The following PTPN14 variants were observed in gnomAD, a reference collection of about 807,000 sequenced individuals.
The protein encoded by PTPN14 is protein tyrosine phosphatase non-receptor type 14.
Under a neutral mutation model 126.8 loss-of-function variants are expected in PTPN14, and 53 were observed. The ratio of observed to expected loss-of-function variants is 0.42; its 90% CI spans 0.34 to 0.53. The LOEUF is 0.53. PTPN14 is among the 20% of genes least tolerant of loss of function. The pLI, the probability that PTPN14 is intolerant of heterozygous loss-of-function variation, is 0.08. For synonymous variants in PTPN14, 630 were observed against 599.3 expected (o/e 1.05, Z -0.75); for missense variants, 1,257 against 1,552.9 (o/e 0.81, Z 3.20).
intron 15 of PTPN14, among the ~76,000 whole-genome samples, chr1:214,373,546 C>A (rs531951189): frequency 8.3e-5 from 12 of 143,902 alleles, no homozygotes; most frequent in Non-Finnish European, 1.3e-4. Context: ...CTTTTCTAGT[C>A]GATTTCATTG....
At position 214,383,843 on chromosome 1, in the gene PTPN14, A is replaced by C; in HGVS notation, c.2012T>G (p.Leu671Arg). The C allele has an allele frequency of 1.9e-6, 3 of 1,612,330 alleles. No homozygotes were observed. The highest frequency in any genetic ancestry group is 2.5e-6 in the Non-Finnish European group (3 of 1,179,956). ...LHLPMARRNTLREQGPPEEGS... is the reference protein window; with the variant it reads ...LHLPMARRNTRREQGPPEEGS... ...CTCCTCGGGCGGTCCCTGCTCCCGG[A>C]GCGTGTTGCGGCGAGCCATGGGGAG... The change falls in exon 13 of 19, where the codon CTC becomes CGC. Residue 671 changes from leucine to arginine, a missense_variant. Leu to Arg is a moderately radical substitution (Grantham distance 102). Around this residue, in one of 3 missense-constraint regions of PTPN14, gnomAD observed 1,021 missense variants for 1,183.3 expected, o/e 0.86. Transcript: ENST00000366956. This position sits in a 1 kb window ranked among gnomAD's most constrained non-coding sequence, Gnocchi z 4.4.
chr1:214,417,889 A>T (rs762466608), intron 3 of PTPN14, among the ~76,000 whole-genome samples: 1 of 152,140 alleles, frequency 6.6e-6, no homozygotes, highest in Non-Finnish European at 1.5e-5. Flanking sequence ...GGAGAGAGCC[A>T]TGTAAAACGG....
intron 3 of PTPN14, among the ~76,000 whole-genome samples, chr1:214,445,218 A>T (rs1660116172): frequency 6.6e-6 from 1 of 152,210 alleles, no homozygotes. Context: ...GCTGCTGAGA[A>T]GCACCGAAAA....
chr1:214,365,313 C>G (rs1023176313), intron 17 of PTPN14, among the ~76,000 whole-genome samples: 1 of 152,134 alleles, frequency 6.6e-6, no homozygotes, highest in Admixed American at 6.6e-5. Flanking sequence ...CATGATACCC[C>G]CCATGCCTTC....
chr1:214,390,720 G>A (rs1054453697), intron 11 of PTPN14, among the ~76,000 whole-genome samples: 1 of 152,190 alleles, frequency 6.6e-6, no homozygotes, highest in Non-Finnish European at 1.5e-5. Flanking sequence ...TGGGCTGTAT[G>A]CTGATGGAAC....
At chr1:214,369,782 A>G in intron 16 of PTPN14, 91 bp from the exon 17 acceptor site, 2 of 1,177,866 alleles carry the variant, frequency 1.7e-6, no homozygotes, top group South Asian at 1.3e-5. Flanking sequence ...GAAAATGCAA[A>G]TAGCTTCTAA....
At chr1:214,462,026 T>G (rs2102648727) in intron 2 of PTPN14, among the ~76,000 whole-genome samples, 1 of 152,210 alleles carries the variant, frequency 6.6e-6, no homozygotes, top group East Asian at 1.9e-4. Context: ...ATCAGATTAC[T>G]CTATCTGATC....
At chr1:214,361,539 A>G (rs1385690552) in intron 18 of PTPN14, among the ~76,000 whole-genome samples, 1 of 152,244 alleles carries the variant, frequency 6.6e-6, no homozygotes, top group Non-Finnish European at 1.5e-5. Context: ...CCAAGGAAGC[A>G]CAAAGCAGTT....
chr1:214,411,184 T>A (rs1659301633), intron 5 of PTPN14, among the ~76,000 whole-genome samples: 1 of 151,710 alleles, frequency 6.6e-6, no homozygotes, highest in Admixed American at 6.6e-5. Context: ...TCCTAGGTAT[T>A]TTTTTTTAAT....
intron 1 of PTPN14, among the ~76,000 whole-genome samples, chr1:214,490,882 G>A (rs1661220048): frequency 5.9e-5 from 1 of 16,808 alleles, no homozygotes; most frequent in African/African-American, 2.7e-4. Flanking sequence ...GGGGAGGGGA[G>A]GGAAGGGGAG....
At chr1:214,536,297 A>G (rs1011871950) in intron 1 of PTPN14, among the ~76,000 whole-genome samples, 1 of 152,092 alleles carries the variant, frequency 6.6e-6, no homozygotes, top group African/African-American at 2.4e-5. Flanking sequence ...GGTCTTAGCT[A>G]CTTAGGAGGC....
chr1:214,389,964 G>A (rs1451461810), intron 11 of PTPN14, among the ~76,000 whole-genome samples: 1 of 152,156 alleles, frequency 6.6e-6, no homozygotes, highest in Non-Finnish European at 1.5e-5. Context: ...CAGGCACTCA[G>A]GAATTACTGC....
intron 10 of PTPN14, 132 bp downstream of exon 10, chr1:214,393,563 A>G: frequency 1.4e-6 from 1 of 731,286 alleles, no homozygotes; most frequent in Non-Finnish European, 2.3e-6. Flanking sequence ...CCCTGGCTTT[A>G]GCTTACTTCA....
chr1:214,537,718 A>G (rs1054485385), intron 1 of PTPN14, among the ~76,000 whole-genome samples: 1 of 152,202 alleles, frequency 6.6e-6, no homozygotes, highest in Admixed American at 6.5e-5. Context: ...GTCTCTAACT[A>G]CTTTTCCTTC....
At chr1:214,390,140 AT>A (rs546672802) in intron 11 of PTPN14, among the ~76,000 whole-genome samples, 1 of 152,264 alleles carries the variant, frequency 6.6e-6, no homozygotes, top group Non-Finnish European at 1.5e-5. Flanking sequence ...GCTTGAAAGA[AT>A]TGTTGATCTA....
At chr1:214,493,173 A>G (rs1661288250) in intron 1 of PTPN14, among the ~76,000 whole-genome samples, 1 of 152,238 alleles carries the variant, frequency 6.6e-6, no homozygotes, top group Admixed American at 6.5e-5. Flanking sequence ...AGGAAGCCTC[A>G]GAACGGACTG....
rs1658856479 is a variant in PTPN14 at position 214,395,526 on chromosome 1, T to C, written c.759-540A>G. ...GACTTTGGACTTAGTGTCAGCTCCA[T>C]ATGCCTGCCACTAAGTATAAATTAA... On this transcript the variant is annotated intron_variant, in intron 8 of 18. Coordinates refer to ENST00000366956, the MANE Select transcript of PTPN14 (RefSeq NM_005401.5). Among the ~76,000 whole-genome samples the C allele has an allele frequency of 4.0e-5, 6 of 151,828 alleles. No homozygotes were observed. In the South Asian group the frequency reaches 1.3e-3, roughly 32 times the overall value.
intron 2 of PTPN14, among the ~76,000 whole-genome samples, chr1:214,460,612 TACACACACACACATACAC>T (rs71165972): frequency 1.3e-5 from 2 of 149,246 alleles, no homozygotes; most frequent in Admixed American, 1.3e-4. Context: ...CACACACACA[TACACACACACACATACAC>T]ACACACACAT....
chr1:214,534,644 C>T (rs1655653894), intron 1 of PTPN14, among the ~76,000 whole-genome samples: 2 of 151,736 alleles, frequency 1.3e-5, no homozygotes, highest in Admixed American at 6.6e-5. Context: ...ATGTGGGAGG[C>T]GGAGCTTGCA....
Sources: gnomAD v4.1 joint callset for allele counts (sites outside exome capture counted in the v4.1 genomes callset) on GRCh38, gnomAD v4.1.1 for gene constraint, gnomAD v4.1.1 regional missense constraint, Gnocchi (gnomAD v3.1) non-coding constraint, MANE v1.5 for transcripts, NCBI Gene and HGNC (gene_info 2026-07-23, HGNC 2026-07-21) for gene names.